C2CD5: variants seen among roughly 807,000 people sequenced by gnomAD.
C2CD5 encodes C2 calcium dependent domain containing 5, also known as C2 domain-containing protein 5.
In C2CD5, 109 loss-of-function variants were observed where a neutral mutation model predicts 130.3. The observed-to-expected ratio is 0.84, with a 90% confidence interval of 0.72 to 0.98. The LOEUF is 0.98. C2CD5 is among the 50% of genes least tolerant of loss of function. C2CD5 has a pLI of 0.00. For synonymous variants in C2CD5, 454 were observed against 429.2 expected, an observed-to-expected ratio of 1.06 and a Z score of -0.71; for missense variants, 996 against 1,261.8, an observed-to-expected ratio of 0.79 and a Z score of 3.19.
chr12:22,479,097 G>A (rs1319335866), intron 14 of C2CD5, among the ~76,000 whole-genome samples: 2 of 149,698 alleles, frequency 1.3e-5, no homozygotes, highest in East Asian at 2.0e-4. Flanking sequence ...TTTTTGAGAC[G>A]AAGTCCCACG....
Position 22,478,421 on chromosome 12 carries a change from A to G in C2CD5, c.1794T>C (p.Ala598=). ...ATGAGCCATCATTAGGAGTCTTCCC[A>G]GCAATCTGAATACCACCAGGAGTTG... ...ALPTPGGIQI[A]GKTPNDGSYE... The change falls in exon 15 of 27, where the codon GCT becomes GCC. Residue 598 remains alanine, a synonymous_variant. Transcript: ENST00000446597. 1 of 1,613,764 alleles carries G rather than the reference A, an allele frequency of 6.2e-7. No individual in the cohort carries two copies. The highest frequency in any genetic ancestry group is 8.5e-7 in the Non-Finnish European group (1 of 1,179,702).
intron 10 of C2CD5, among the ~76,000 whole-genome samples, chr12:22,497,360 T>A (rs571278263): frequency 1.2e-4 from 18 of 152,266 alleles, no homozygotes; most frequent in Admixed American, 9.8e-4. Flanking sequence ...TACCCTGATT[T>A]GATCATTATT....
At chr12:22,462,384 CAAG>C (rs1161190278) in intron 22 of C2CD5, among the ~76,000 whole-genome samples, 11 of 152,118 alleles carry the variant, frequency 7.2e-5, no homozygotes, top group Admixed American at 2.6e-4. Flanking sequence ...CCACTTAATG[CAAG>C]AAGAAGATTA....
rs1330978882 is a variant in C2CD5, at chr12:22,478,414, T to C, written c.1801A>G (p.Thr601Ala). Reference sequence around the variant, plus strand: ...TGTTCATATGAGCCATCATTAGGAGTCTTCCCAGCAATCTGAATACCACCA... The same window carrying C: ...TGTTCATATGAGCCATCATTAGGAGCCTTCCCAGCAATCTGAATACCACCA... ...TPGGIQIAGKTPNDGSYEQHI... is the reference protein window; with the variant it reads ...TPGGIQIAGKAPNDGSYEQHI... The change falls in exon 15 of 27, where the codon ACT becomes GCT. Residue 601 changes from threonine (T) to alanine (A), a missense_variant. Around this residue, in one of 9 missense-constraint regions of C2CD5, gnomAD observed 590 missense variants for 631.4 expected, o/e 0.93. Transcript: ENST00000446597. The C allele has an allele frequency of 3.7e-6, 6 of 1,613,250 alleles. No homozygotes were observed. Among genetic ancestry groups the C allele is most frequent in the Non-Finnish European group, 5.1e-6 (6 of 1,179,464 alleles).
chr12:22,512,342 G>T (rs1387857953), intron 9 of C2CD5, among the ~76,000 whole-genome samples: 1 of 152,074 alleles, frequency 6.6e-6, no homozygotes, highest in African/African-American at 2.4e-5. Context: ...CCAAATGCTA[G>T]TGTAATATAG....
chr12:22,511,783 G>C (rs956936004), intron 9 of C2CD5, among the ~76,000 whole-genome samples: 5 of 152,124 alleles, frequency 3.3e-5, no homozygotes, highest in Non-Finnish European at 7.4e-5. Flanking sequence ...CAACATACAA[G>C]TAAAATCTTA....
intron 9 of C2CD5, chr12:22,512,551 AT>A: frequency 1.1e-6 from 1 of 921,590 alleles, no homozygotes; most frequent in Non-Finnish European, 1.6e-6. Flanking sequence ...CGCTGTCAAC[AT>A]TTGCTAAGAT....
At chr12:22,495,094 CA>C (rs1241537653) in intron 10 of C2CD5, among the ~76,000 whole-genome samples, 6 of 151,900 alleles carry the variant, frequency 3.9e-5, no homozygotes, top group African/African-American at 1.5e-4. Context: ...CCTATTTTCC[CA>C]AAAAATTGCA....
At chr12:22,463,727 T>G (rs938635917) in intron 22 of C2CD5, 1 of 152,226 alleles carries the variant, frequency 6.6e-6, no homozygotes, top group African/African-American at 2.4e-5. Flanking sequence ...TCACTTTATA[T>G]CATTAGAATT....
chr12:22,491,583 C>T (rs1041631621), intron 11 of C2CD5, among the ~76,000 whole-genome samples: 3 of 151,956 alleles, frequency 2.0e-5, no homozygotes, highest in Non-Finnish European at 4.4e-5. Context: ...CTTCTAAAAC[C>T]ATATCTCTGG....
chr12:22,490,741 C>T (rs1309406091), intron 11 of C2CD5, among the ~76,000 whole-genome samples: 2 of 152,002 alleles, frequency 1.3e-5, no homozygotes, highest in African/African-American at 2.4e-5. Flanking sequence ...TAAACTACAT[C>T]ATCATATAAC....
intron 3 of C2CD5, among the ~76,000 whole-genome samples, chr12:22,533,164 G>T (rs983639061): frequency 2.6e-5 from 4 of 152,158 alleles, no homozygotes; most frequent in Admixed American, 2.0e-4. Context: ...CTTGGGAAGG[G>T]GGGGTGGTGG....
intron 11 of C2CD5, 75 bp downstream of exon 11, chr12:22,493,148 T>C: frequency 1.2e-6 from 1 of 811,758 alleles, no homozygotes; most frequent in Non-Finnish European, 2.0e-6. Context: ...TTTCTTTTAT[T>C]TGCATGAAGC....
At position 22,482,634 on chromosome 12, in the gene C2CD5, T is replaced by TAA; in HGVS notation, c.1659_1660insTT (p.Lys554LeufsTer6). ...AACAAAGCATTCATTCCTTTGAGTTTTAGTTTATTCATTAGCTGAGTATGC... is the reference window on the plus strand; with the variant it reads ...AACAAAGCATTCATTCCTTTGAGTTTAATAGTTTATTCATTAGCTGAGTATGC... On this transcript the variant is annotated frameshift_variant, in exon 14 of 27. Coordinates refer to ENST00000446597, the MANE Select transcript of C2CD5 (RefSeq NM_001286176.2). LOFTEE classifies it high-confidence loss of function. 9.3e-6 allele frequency: 15 copies of TAA among 1,613,658 alleles called. No homozygotes were observed. The highest frequency in any genetic ancestry group is 1.3e-5 in the Non-Finnish European group (15 of 1,179,632).
Position 22,493,206 on chromosome 12 carries a change from T to C in C2CD5, c.1262+17A>G. Reference sequence around the variant, plus strand: ...CTAAATTAGTGTCTGGAAAATCAAGTTGTTATTATCATTTACCAGATGCTA... The same window carrying C: ...CTAAATTAGTGTCTGGAAAATCAAGCTGTTATTATCATTTACCAGATGCTA... On this transcript the variant is annotated intron_variant, in intron 11 of 26. Coordinates refer to ENST00000446597, the MANE Select transcript of C2CD5 (RefSeq NM_001286176.2). 1 of 1,369,662 alleles carries C rather than the reference T, an allele frequency of 7.3e-7. No homozygotes were observed. Among genetic ancestry groups the C allele is most frequent in the East Asian group, 2.3e-5 (1 of 42,952 alleles). The allele number at this position is 1,369,662 out of a possible 1,614,324, so 84.8% of individuals were successfully genotyped here. A position where few individuals can be genotyped will look rare whatever the true frequency, so the allele number is the denominator to read the frequency against.
chr12:22,499,194 T>A (rs1189193468), intron 10 of C2CD5, among the ~76,000 whole-genome samples: 1 of 152,208 alleles, frequency 6.6e-6, no homozygotes. Flanking sequence ...ATTTTAGAAC[T>A]GTAGGTATGT....
Position 22,544,412 on chromosome 12 carries a change from C to G in C2CD5, c.-122G>C, listed in dbSNP as rs1186932704. On this transcript the variant is annotated 5_prime_UTR_variant, in exon 1 of 27. Transcript: ENST00000446597. ...AAGGGCTTTGATGGGTTCTTCCGTC[C>G]CGGCCCCACAAGGCTGGGACGAAAA... The G allele has an allele frequency of 1.4e-5, 5 of 358,406 alleles. No individual in the cohort carries two copies. Among genetic ancestry groups the G allele is most frequent in the Non-Finnish European group, 2.5e-5 (5 of 199,670 alleles). 22.2% of individuals were successfully genotyped at this position (358,406 alleles called of 1,614,324 possible).
At position 22,544,060 on chromosome 12, in the gene C2CD5, C is replaced by T; in HGVS notation, c.90+1G>A. The T allele has an allele frequency of 1.2e-6, 2 of 1,611,088 alleles. No individual in the cohort carries two copies. Among genetic ancestry groups the T allele is most frequent in the Non-Finnish European group, 1.7e-6 (2 of 1,177,420 alleles). On this transcript the variant is annotated splice_donor_variant, in intron 2 of 26. Transcript: ENST00000446597. LOFTEE classifies it high-confidence loss of function. ...TTTGAGGGGCAGGACCCTGCACCAACCTCCACGAAGGCATCAGTCAGGTCA... is the reference window on the plus strand; with the variant it reads ...TTTGAGGGGCAGGACCCTGCACCAATCTCCACGAAGGCATCAGTCAGGTCA...
intron 9 of C2CD5, among the ~76,000 whole-genome samples, 189 bp downstream of exon 9, chr12:22,513,105 T>C (rs1949367049): frequency 6.6e-6 from 1 of 152,104 alleles, no homozygotes; most frequent in African/African-American, 2.4e-5. Context: ...ATTACGTAAT[T>C]ATTCCAAATC....
Sources: allele counts gnomAD v4.1 joint callset (sites outside exome capture counted in the v4.1 genomes callset), GRCh38; gene constraint gnomAD v4.1.1; regional missense constraint gnomAD v4.1.1; transcripts MANE v1.5; gene names NCBI Gene and HGNC (gene_info 2026-07-23, HGNC 2026-07-21).